NBAS: variants seen among roughly 807,000 people sequenced by gnomAD.
NBAS encodes the protein NAG/BC035112 fusion.
NBAS carries 219 observed loss-of-function variants against 302.5 expected under a neutral mutation model. The observed-to-expected ratio is 0.72, with a 90% CI of 0.65 to 0.81. NBAS has a LOEUF of 0.81. Among genes scored for constraint, NBAS ranks in the 30% least tolerant of loss-of-function variants. The pLI is 0.00. For missense variants in NBAS, 2,932 were observed against 2,841.6 expected, an observed-to-expected ratio of 1.03 and a Z score of -0.72; for synonymous variants, 1,118 against 1,021.6, an observed-to-expected ratio of 1.09 and a Z score of -1.80.
chr2:15,327,828 T>C lies in NBAS; in HGVS notation c.4504A>G (p.Ser1502Gly), dbSNP rs1672142540. 6.2e-6 allele frequency: 10 copies of C among 1,613,740 alleles called. No individual in the cohort carries two copies. In the East Asian group the frequency reaches 2.2e-4, roughly 36 times the overall value. ...GTTCTCAGCAATACTTCTGCAAAGCTTTCCACTGGAACATGCTGATAGGTG... is the reference window on the plus strand; with the variant it reads ...GTTCTCAGCAATACTTCTGCAAAGCCTTCCACTGGAACATGCTGATAGGTG... ...YDTYQHVPVE[S>G]FAEVLLRTGK... is the part of the protein sequence containing the mutation. Residue 1502 changes from serine to glycine, a missense_variant, in exon 38 of 52, where the codon AGC (serine) becomes GGC (glycine). Ser to Gly is a moderately conservative substitution (Grantham distance 56). Transcript: ENST00000281513.
the NBAS span, among the ~76,000 whole-genome samples, chr2:15,068,318 T>C: frequency 6.6e-6 from 1 of 152,246 alleles, no homozygotes; most frequent in Non-Finnish European, 1.5e-5. Flanking sequence ...CATTCATCGA[T>C]GCCGAATTCA....
chr2:15,072,301 A>T, the NBAS span, among the ~76,000 whole-genome samples: 1 of 152,144 alleles, frequency 6.6e-6, no homozygotes, highest in African/African-American at 2.4e-5. Context: ...GGCCATTTGT[A>T]TTTATTCTTC....
chr2:14,870,899 A>G, the NBAS span, among the ~76,000 whole-genome samples: 1 of 152,104 alleles, frequency 6.6e-6, no homozygotes, highest in East Asian at 1.9e-4. Flanking sequence ...GAATGATGCA[A>G]TTGTTTAATA....
At chr2:15,557,999 A>G (rs1015845263) in intron 2 of NBAS, among the ~76,000 whole-genome samples, 12 of 152,180 alleles carry the variant, frequency 7.9e-5, no homozygotes, top group African/African-American at 2.9e-4. Flanking sequence ...ATAGTCTCTC[A>G]GTGTATTTTC....
At chr2:15,523,975 T>C (rs1452728746) in intron 9 of NBAS, among the ~76,000 whole-genome samples, 1 of 152,158 alleles carries the variant, frequency 6.6e-6, no homozygotes, top group East Asian at 1.9e-4. Flanking sequence ...CAGTGAACAC[T>C]GAAAAAAGGT....
rs373425659 is a variant in NBAS, at chr2:15,292,606, T to C, written c.4958A>G (p.Lys1653Arg). Residue 1653 changes from lysine (K) to arginine (R), a missense_variant, in exon 41 of 52, where the codon AAG (lysine) becomes AGG (arginine). Lys to Arg is a conservative substitution (Grantham distance 26, BLOSUM62 2). Coordinates refer to ENST00000281513, the MANE Select transcript of NBAS (RefSeq NM_015909.4). Reference protein sequence around the residue: ...TQAQILQGLRKGVDVQRFTAD... With the variant: ...TQAQILQGLRRGVDVQRFTAD... The stretch of plus-strand genomic sequence containing the variant: ...AGTAAACCGCTGCACGTCCACACCC[T>C]TCCGAAGGCCCTGAAGGATCTGCGC... 16 of 1,614,080 alleles carry C rather than the reference T, an allele frequency of 9.9e-6. No individual in the cohort carries two copies. Among genetic ancestry groups the C allele is most frequent in the Non-Finnish European group, 1.4e-5 (16 of 1,180,046 alleles).
chr2:15,524,248 T>C (rs1049188563), intron 9 of NBAS, among the ~76,000 whole-genome samples: 1 of 152,258 alleles, frequency 6.6e-6, no homozygotes, highest in Non-Finnish European at 1.5e-5. Flanking sequence ...ACGTGGTGAA[T>C]GGAAAAAGAT....
Position 15,427,803 on chromosome 2 carries a change from T to A in NBAS, c.2340-9A>T, listed in dbSNP as rs1439576387. On this transcript the variant is annotated splice_polypyrimidine_tract_variant and intron_variant, in intron 21 of 51. Coordinates refer to ENST00000281513, the MANE Select transcript of NBAS (RefSeq NM_015909.4). Reference sequence around the variant, plus strand: ...GGGAGTCACCGTTAAAACTCAAATTTAAAAAAAAATAAGTGTTTAAAATTC... The same window carrying A: ...GGGAGTCACCGTTAAAACTCAAATTAAAAAAAAAATAAGTGTTTAAAATTC... 2.5e-6 allele frequency: 4 copies of A among 1,587,066 alleles called. No homozygotes were observed. Among genetic ancestry groups the A allele is most frequent in the South Asian group, 1.1e-5 (1 of 88,930 alleles).
chr2:14,903,108 C>T, the NBAS span, among the ~76,000 whole-genome samples: 5 of 152,090 alleles, frequency 3.3e-5, no homozygotes, highest in African/African-American at 1.2e-4. Flanking sequence ...AGACCTTCTA[C>T]ATACAGTGTC....
chr2:15,355,584 T>C (rs1322856287), intron 33 of NBAS, among the ~76,000 whole-genome samples: 1 of 152,162 alleles, frequency 6.6e-6, no homozygotes, highest in African/African-American at 2.4e-5. Flanking sequence ...AGGTGGGGCC[T>C]TGGGGGAGGT....
intron 41 of NBAS, among the ~76,000 whole-genome samples, chr2:15,287,665 T>C (rs1320205937): frequency 6.7e-6 from 1 of 149,366 alleles, no homozygotes; most frequent in Non-Finnish European, 1.5e-5. Flanking sequence ...GCACCATGTG[T>C]AGGCAGTCCC....
At chr2:15,154,521 T>A in the NBAS span, among the ~76,000 whole-genome samples, 1 of 152,224 alleles carries the variant, frequency 6.6e-6, no homozygotes, top group Non-Finnish European at 1.5e-5. Context: ...GGGGCATGAA[T>A]TCATTTCATT....
intron 12 of NBAS, among the ~76,000 whole-genome samples, chr2:15,482,810 C>A (rs1347710021): frequency 2.0e-5 from 3 of 151,646 alleles, no homozygotes; most frequent in African/African-American, 7.3e-5. Flanking sequence ...CAAGGAAAAT[C>A]ATTTGTTTTT....
At chr2:15,403,454 T>G (rs778968488) in intron 25 of NBAS, among the ~76,000 whole-genome samples, 3 of 152,210 alleles carry the variant, frequency 2.0e-5, no homozygotes, top group Non-Finnish European at 4.4e-5. Context: ...GTACTGAACA[T>G]GTACAGACCA....
chr2:15,083,313 C>T, the NBAS span, among the ~76,000 whole-genome samples: 1 of 152,236 alleles, frequency 6.6e-6, no homozygotes, highest in African/African-American at 2.4e-5. Flanking sequence ...CTTCCCTCTC[C>T]ATCTCCACAG....
intron 40 of NBAS, among the ~76,000 whole-genome samples, chr2:15,301,345 A>T (rs1670784505): frequency 6.6e-6 from 1 of 152,238 alleles, no homozygotes; most frequent in Admixed American, 6.5e-5. Context: ...AGGTTGCTCA[A>T]AGGATCAAAC....
chr2:15,439,533 T>A (rs1301550846), intron 21 of NBAS, among the ~76,000 whole-genome samples: 1 of 151,612 alleles, frequency 6.6e-6, no homozygotes, highest in Non-Finnish European at 1.5e-5. Context: ...ACAGCTCTGG[T>A]TGCAAACAGC....
the NBAS span, among the ~76,000 whole-genome samples, chr2:14,974,388 A>C: frequency 1.2e-3 from 189 of 152,366 alleles, no homozygotes; most frequent in African/African-American, 4.1e-3. Context: ...GCATGGGGCC[A>C]GAGAAAATGA....
At chr2:15,087,223 A>ACACAC in the NBAS span, among the ~76,000 whole-genome samples, 1 of 143,192 alleles carries the variant, frequency 7.0e-6, no homozygotes, top group African/African-American at 2.6e-5. Flanking sequence ...TTTTTATACA[A>ACACAC]ACACACACAC....
Sources: gnomAD v4.1 joint callset for allele counts (sites outside exome capture counted in the v4.1 genomes callset) on GRCh38, gnomAD v4.1.1 for gene constraint, MANE v1.5 for transcripts, NCBI Gene and HGNC (gene_info 2026-07-23, HGNC 2026-07-21) for gene names.